The following PPM1F variants were observed in gnomAD, a reference collection of about 807,000 sequenced individuals.
PPM1F encodes protein phosphatase 1F.
PPM1F carries 17 observed loss-of-function variants against 35.5 expected under a neutral mutation model. That is an observed-to-expected ratio of 0.48 (90% confidence interval 0.33 to 0.72). The LOEUF is 0.72. Among genes scored for constraint, PPM1F ranks in the 30% least tolerant of loss-of-function variants. PPM1F has a pLI of 0.02. For missense variants in PPM1F, 521 were observed against 613.0 expected, an observed-to-expected ratio of 0.85 and a Z score of 1.59; for synonymous variants, 241 against 255.5, an observed-to-expected ratio of 0.94 and a Z score of 0.54.
At position 21,939,607 on chromosome 22, in the gene PPM1F, C is replaced by T. The variant is rs761018228; in HGVS notation, c.280G>A (p.Glu94Lys). ...TCCTCCCTGGGCAACTTCCTGAATT[C>T]GGAAAGGTCTGTCTGTAGCAGCTGT... ...VSQLLQTDLS[E>K]FRKLPREEEE... The change falls in exon 3 of 8, where the codon GAA becomes AAA. Residue 94 changes from glutamate to lysine, a missense_variant. Physicochemically the swap from Glu to Lys is moderately conservative, Grantham distance 56. Around this residue, in one of 3 missense-constraint regions of PPM1F, gnomAD observed 311 missense variants for 351.5 expected, o/e 0.88. Transcript: ENST00000263212. This position sits in a 1 kb window ranked among gnomAD's most constrained non-coding sequence, Gnocchi z 5.1. 1.3e-5 allele frequency: 20 copies of T among 1,564,028 alleles called. No homozygotes were observed. Among genetic ancestry groups the T allele is most frequent in the African/African-American group, 2.7e-5 (2 of 73,872 alleles).
At chr22:21,925,500 C>G (rs759141331) in intron 7 of PPM1F, 69 bp downstream of exon 7, 1 of 1,395,448 alleles carries the variant, frequency 7.2e-7, no homozygotes, top group Non-Finnish European at 1.0e-6. Flanking sequence ...TGGTGAGCCG[C>G]GGGCCACACT....
In PPM1F at chr22:21,946,113, G is replaced by A. The variant is rs1376727069; in HGVS notation, c.-60-5C>T. 2 of 1,355,082 alleles carry A rather than the reference G, an allele frequency of 1.5e-6. No homozygotes were observed. Among genetic ancestry groups the A allele is most frequent in the East Asian group, 2.6e-5 (1 of 38,456 alleles). The allele number at this position is 1,355,082 out of a possible 1,614,324, so 83.9% of individuals were successfully genotyped here. ...AGAGGGTCTCCAGGCTTCACCCTGG[G>A]GAGAAATGTCAGAGTCAGCAGAATC... On this transcript the variant is annotated splice_region_variant and splice_polypyrimidine_tract_variant and intron_variant, in intron 1 of 7. Coordinates refer to ENST00000263212, the MANE Select transcript of PPM1F (RefSeq NM_014634.4).
intron 7 of PPM1F, among the ~76,000 whole-genome samples, chr22:21,924,081 T>C (rs1487416130): frequency 1.3e-5 from 2 of 152,028 alleles, no homozygotes; most frequent in African/African-American, 4.8e-5. Flanking sequence ...GAGGATGGGC[T>C]GTCAAGAAGG....
chr22:21,938,238 G>A, intron 3 of PPM1F: 4 of 1,302,118 alleles, frequency 3.1e-6, no homozygotes, highest in Non-Finnish European at 4.0e-6. Context: ...TGGACGGACA[G>A]AGACCCATCA....
chr22:21,946,206 TG>T, intron 1 of PPM1F, 98 bp from the exon 2 acceptor site: 1 of 573,910 alleles, frequency 1.7e-6, no homozygotes, highest in Non-Finnish European at 2.9e-6. Flanking sequence ...CATGGCCTCA[TG>T]GTTCAGGGCC....
chr22:21,923,341 A>C lies in PPM1F; in HGVS notation c.1116T>G (p.Val372=). 1 of 1,613,742 alleles carries C rather than the reference A, an allele frequency of 6.2e-7. No individual in the cohort carries two copies. Residue 372 remains valine (V), a synonymous_variant, in exon 8 of 8, where the codon GTT becomes GTG. Coordinates refer to ENST00000263212, the MANE Select transcript of PPM1F (RefSeq NM_014634.4). ...FFDVVPHQEV[V]GLVQSHLTRQ... ...TGGTCAGGTGGCTCTGGACCAGGCCAACAACTTCCTGGTGGGGTACGACGT... is the reference window on the plus strand; with the variant it reads ...TGGTCAGGTGGCTCTGGACCAGGCCCACAACTTCCTGGTGGGGTACGACGT...
chr22:21,927,676 G>A (rs1330643337), intron 6 of PPM1F, among the ~76,000 whole-genome samples: 1 of 152,212 alleles, frequency 6.6e-6, no homozygotes, highest in Non-Finnish European at 1.5e-5. Context: ...GAGGGCACAG[G>A]GGCTGTGCTG....
Position 21,933,420 on chromosome 22 carries a change from G to T in PPM1F, c.718C>A (p.Gln240Lys). The T allele has an allele frequency of 1.2e-6, 2 of 1,612,012 alleles. No individual in the cohort carries two copies. The highest frequency in any genetic ancestry group is 1.7e-6 in the Non-Finnish European group (2 of 1,179,776). ...ALREAFRRTD[Q>K]MFLRKAKRER... The stretch of plus-strand genomic sequence containing the variant: ...CGCTTGGCTTTCCTGAGAAACATCT[G>T]GTCGGTGCGCCGGAAGGCTTCTCTG... Residue 240 changes from glutamine to lysine, a missense_variant, in exon 5 of 8, where the codon CAG becomes AAG. Around this residue, in one of 3 missense-constraint regions of PPM1F, gnomAD observed 311 missense variants for 351.5 expected, o/e 0.88. Coordinates refer to ENST00000263212, the MANE Select transcript of PPM1F (RefSeq NM_014634.4).
At position 21,938,445 on chromosome 22, in the gene PPM1F, G is replaced by C. The variant is rs937440730; in HGVS notation, c.355+1087C>G. 11 of 1,144,268 alleles carry C rather than the reference G, an allele frequency of 9.6e-6. No homozygotes were observed. The African/African-American group carries it at 1.8e-4, about 19-fold the overall frequency. The allele number at this position is 1,144,268 out of a possible 1,614,324, so 70.9% of individuals were successfully genotyped here. A position where few individuals can be genotyped will look rare whatever the true frequency, so the allele number is the denominator to read the frequency against. On this transcript the variant is annotated intron_variant, in intron 3 of 7. Transcript: ENST00000263212. The stretch of plus-strand genomic sequence containing the variant: ...GCAGGGAGCCAGGGCGGAGGGCAGA[G>C]GACGAGAGCGAGGAGGAGAGCGCGG...
At position 21,945,886 on chromosome 22, in the gene PPM1F, C is replaced by G; in HGVS notation, c.163G>C (p.Glu55Gln). Residue 55 changes from glutamate (E) to glutamine (Q), a missense_variant, in exon 2 of 8, where the codon GAG becomes CAG. Glu to Gln is a conservative substitution (Grantham distance 29). Transcript: ENST00000263212. ...ATGGCCAGCTCAGCCAGCTCGCCCT[C>G]CACCTCCTCCTGGCTGAGCACCGTC... is the stretch of plus-strand genomic sequence containing the variant. ...PGTVLSQEEV[E>Q]GELAELAMGF... 6.2e-7 allele frequency: 1 copy of G among 1,612,618 alleles called. No homozygotes were observed.
At chr22:21,947,437 C>T (rs892861887) in intron 1 of PPM1F, 2 of 152,150 alleles carry the variant, frequency 1.3e-5, no homozygotes, top group Non-Finnish European at 2.9e-5. Context: ...TTCAGCGAGT[C>T]CTACGCAGTA....
intron 6 of PPM1F, among the ~76,000 whole-genome samples, chr22:21,927,547 C>A (rs2070531116): frequency 6.6e-6 from 1 of 152,250 alleles, no homozygotes; most frequent in Non-Finnish European, 1.5e-5. Context: ...GCTTCCCATG[C>A]CCTCTGGAGG....
In PPM1F at chr22:21,946,105, C is replaced by T; in HGVS notation, c.-57G>A. 1.4e-6 allele frequency: 2 copies of T among 1,389,128 alleles called. No individual in the cohort carries two copies. The highest frequency in any genetic ancestry group is 1.9e-6 in the Non-Finnish European group (2 of 1,040,832). 86.1% of individuals were successfully genotyped at this position (1,389,128 alleles called of 1,614,324 possible). A position where few individuals can be genotyped will look rare whatever the true frequency, so the allele number is the denominator to read the frequency against. On this transcript the variant is annotated 5_prime_UTR_variant, in exon 2 of 8. Coordinates refer to ENST00000263212, the MANE Select transcript of PPM1F (RefSeq NM_014634.4). ...CCAGGGCAAGAGGGTCTCCAGGCTT[C>T]ACCCTGGGGAGAAATGTCAGAGTCA... is the stretch of plus-strand genomic sequence containing the variant.
At chr22:21,929,987 T>C (rs1206166380) in intron 6 of PPM1F, among the ~76,000 whole-genome samples, 2 of 152,176 alleles carry the variant, frequency 1.3e-5, no homozygotes, top group African/African-American at 2.4e-5. Context: ...TGGAAAAACA[T>C]TTGCAAATCA....
chr22:21,929,086 C>A (rs907066835), intron 6 of PPM1F, among the ~76,000 whole-genome samples: 3 of 152,194 alleles, frequency 2.0e-5, no homozygotes, highest in African/African-American at 7.2e-5. Flanking sequence ...CGCTGCTGGA[C>A]CCCCGTTGAA....
At position 21,939,753 on chromosome 22, in the gene PPM1F, T is replaced by G; in HGVS notation, c.207-73A>C. The G allele has an allele frequency of 6.6e-7, 1 of 1,523,286 alleles. No individual in the cohort carries two copies. Among genetic ancestry groups the G allele is most frequent in the Admixed American group, 2.0e-5 (1 of 50,220 alleles). The allele number at this position is 1,523,286 out of a possible 1,614,324, so 94.4% of individuals were successfully genotyped here. On this transcript the variant is annotated intron_variant, in intron 2 of 7. Coordinates refer to ENST00000263212, the MANE Select transcript of PPM1F (RefSeq NM_014634.4). This position sits in a 1 kb window ranked among gnomAD's most constrained non-coding sequence, Gnocchi z 5.1. The stretch of plus-strand genomic sequence containing the variant: ...ACACCTAGCCCCCCTTCCCCAACTG[T>G]CAGCCCACATGCTGAGGGGTCACGG...
intron 1 of PPM1F, chr22:21,946,600 G>A (rs2070779795): frequency 1.3e-5 from 2 of 153,038 alleles, no homozygotes; most frequent in South Asian, 4.1e-4. Context: ...GAAGGGCCAA[G>A]ATGCGGGAGG....
chr22:21,924,572 C>CT (rs767735875), intron 7 of PPM1F, among the ~76,000 whole-genome samples: 3,016 of 116,712 alleles, frequency 0.026, 31 homozygotes, highest in African/African-American at 0.039. Flanking sequence ...CGCCCAGCTA[C>CT]TTTTTTTTTT....
chr22:21,933,515 T>C lies in PPM1F; in HGVS notation c.623A>G (p.Tyr208Cys). 6.2e-7 allele frequency: 1 copy of C among 1,613,730 alleles called. No individual in the cohort carries two copies. Among genetic ancestry groups the C allele is most frequent in the Non-Finnish European group, 8.5e-7 (1 of 1,179,998 alleles). ...DGHGGVDAAR[Y>C]AAVHVHTNAA... ...GTTGGTGTGCACGTGGACAGCGGCG[T>C]ACCTCGCAGCATCCACGCCTCCGTG... The change falls in exon 5 of 8, where the codon TAC (tyrosine) becomes TGC (cysteine). Residue 208 changes from tyrosine to cysteine, a missense_variant. Around this residue, in one of 3 missense-constraint regions of PPM1F, gnomAD observed 311 missense variants for 351.5 expected, o/e 0.88. Coordinates refer to ENST00000263212, the MANE Select transcript of PPM1F (RefSeq NM_014634.4).
Sources: allele counts gnomAD v4.1 joint callset (sites outside exome capture counted in the v4.1 genomes callset), GRCh38; gene constraint gnomAD v4.1.1; regional missense constraint gnomAD v4.1.1; non-coding constraint Gnocchi (gnomAD v3.1); transcripts MANE v1.5; gene names NCBI Gene and HGNC (gene_info 2026-07-23, HGNC 2026-07-21).